Variants in PPP2R2D observed in about 807,000 individuals in gnomAD.
PPP2R2D encodes the protein serine/threonine-protein phosphatase 2A 55 kDa regulatory subunit B delta isoform.
A neutral mutation model predicts 31.1 loss-of-function variants in PPP2R2D; 9 were observed. The ratio of observed to expected loss-of-function variants is 0.29; its 90% confidence interval spans 0.17 to 0.51. The LOEUF is 0.51. PPP2R2D is among the 20% of genes least tolerant of loss of function. The pLI is 0.98. For missense variants in PPP2R2D, 391 were observed against 465.6 expected (o/e 0.84, Z 1.48); for synonymous variants, 179 against 172.6 (o/e 1.04, Z -0.29).
At chr10:131,925,917 C>G (rs1437906000) in intron 2 of PPP2R2D, among the ~76,000 whole-genome samples, 1 of 152,214 alleles carries the variant, frequency 6.6e-6, no homozygotes, top group East Asian at 1.9e-4. Context: ...CCTAGTGGCT[C>G]CGCCCCGTTT....
At chr10:131,934,838 C>G in intron 3 of PPP2R2D, 1 of 504,856 alleles carries the variant, frequency 2.0e-6, no homozygotes, top group East Asian at 5.3e-5. Context: ...TATGTGCTTT[C>G]ATTCCATAAG....
chr10:131,916,092 A>C (rs2035773966), intron 2 of PPP2R2D, among the ~76,000 whole-genome samples: 1 of 152,180 alleles, frequency 6.6e-6, no homozygotes, highest in Non-Finnish European at 1.5e-5. Flanking sequence ...TAACCATAGA[A>C]ATCCATTAAA....
chr10:131,941,277 T>C (rs1564821471), intron 5 of PPP2R2D, among the ~76,000 whole-genome samples: 2 of 152,260 alleles, frequency 1.3e-5, no homozygotes, highest in Middle Eastern at 3.2e-3. Context: ...GCCTAAATTT[T>C]TTCATATTTT....
Position 131,958,819 on chromosome 10 carries a change from C to G in PPP2R2D, c.*2856C>G, listed in dbSNP as rs9787525. 6 of 98,260 alleles carry G rather than the reference C, an allele frequency of 6.1e-5. No homozygotes were observed. Among genetic ancestry groups the G allele is most frequent in the East Asian group, 4.8e-4 (1 of 2,104 alleles). 6.1% of individuals were successfully genotyped at this position (98,260 alleles called of 1,614,324 possible). On this transcript the variant is annotated 3_prime_UTR_variant, in exon 9 of 9. Coordinates refer to ENST00000455566, the MANE Select transcript of PPP2R2D (RefSeq NM_018461.5). Reference sequence around the variant, plus strand: ...CCCCGTCCCCCTGTGGAGATGGAGGCGTGTGCTGATCCCCCATCCCCCTGT... The same window carrying G: ...CCCCGTCCCCCTGTGGAGATGGAGGGGTGTGCTGATCCCCCATCCCCCTGT...
At position 131,956,352 on chromosome 10, in the gene PPP2R2D, T is replaced by G; in HGVS notation, c.*389T>G. 1 of 987,898 alleles carries G rather than the reference T, an allele frequency of 1.0e-6. No individual in the cohort carries two copies. Among genetic ancestry groups the G allele is most frequent in the Non-Finnish European group, 1.2e-6 (1 of 831,680 alleles). The allele number at this position is 987,898 out of a possible 1,614,324, so 61.2% of individuals were successfully genotyped here. A position where few individuals can be genotyped will look rare whatever the true frequency, so the allele number is the denominator to read the frequency against. On this transcript the variant is annotated 3_prime_UTR_variant, in exon 9 of 9. Transcript: ENST00000455566. Reference sequence around the variant, plus strand: ...TTTCCCTCTTTCTCTGCCATCACACTTGGGCCTTCACTGCAGCGTGGTGTG... The same window carrying G: ...TTTCCCTCTTTCTCTGCCATCACACGTGGGCCTTCACTGCAGCGTGGTGTG...
At chr10:131,963,183 C>G (rs150445047), downstream of PPP2R2D, among the ~76,000 whole-genome samples, 373 of 152,236 alleles carry the variant, frequency 2.5e-3, no homozygotes, top group African/African-American at 8.3e-3. Flanking sequence ...GTTGGGATGT[C>G]TTTTTAAGTG....
intron 2 of PPP2R2D, among the ~76,000 whole-genome samples, chr10:131,907,414 C>T (rs1049462292): frequency 6.6e-6 from 1 of 152,134 alleles, no homozygotes; most frequent in African/African-American, 2.4e-5. Flanking sequence ...CATAGGAAGC[C>T]TCTGCCTTTA....
intron 2 of PPP2R2D, among the ~76,000 whole-genome samples, chr10:131,913,092 G>T (rs2035710407): frequency 6.6e-6 from 1 of 151,976 alleles, no homozygotes; most frequent in African/African-American, 2.4e-5. Flanking sequence ...GCACTATCTC[G>T]GCTCACTGCA....
intron 3 of PPP2R2D, among the ~76,000 whole-genome samples, chr10:131,936,229 C>T (rs1333567225): frequency 2.0e-5 from 3 of 151,748 alleles, no homozygotes; most frequent in Non-Finnish European, 4.4e-5. Context: ...CTCACTGCAA[C>T]CTCTGTCTCC....
At chr10:131,938,049 T>C (rs912412292) in intron 3 of PPP2R2D, among the ~76,000 whole-genome samples, 3 of 148,740 alleles carry the variant, frequency 2.0e-5, no homozygotes, top group Non-Finnish European at 4.4e-5. Context: ...GAGGCTTCGG[T>C]GGAAGGAATG....
rs529492898 is a variant in PPP2R2D, at chr10:131,937,773, T to C, written c.199-2258T>C. 4.6e-5 allele frequency among the ~76,000 whole-genome samples: 7 copies of C among 152,322 alleles called. No homozygotes were observed. The East Asian group carries it at 1.3e-3, about 29-fold the overall frequency. ...CATAGGACTAATTTAGTTATACAGA[T>C]TTTTCTTTTTAAATAATTTGGTTCC... On this transcript the variant is annotated intron_variant, in intron 3 of 8. Transcript: ENST00000455566.
rs782138930 is a variant in PPP2R2D, at chr10:131,945,335, C to G, written c.696C>G (p.Thr232=). The part of the protein sequence containing the change: ...DIKPANMEEL[T]EVITAAEFHP... ...AGCCTGCTAACATGGAGGAGCTGAC[C>G]GAAGTCATCACTGCAGCCGAGTTCC... Residue 232 remains threonine (T), a synonymous_variant, in exon 7 of 9, where the codon ACC becomes ACG. Transcript: ENST00000455566. The surrounding 1 kb of genome is among the most constrained non-coding windows in gnomAD (Gnocchi z 4.8). The G allele has an allele frequency of 2.5e-6, 4 of 1,614,020 alleles. No homozygotes were observed. The African/African-American group carries it at 5.3e-5, about 22-fold the overall frequency.
chr10:131,912,657 G>T (rs2035703581), intron 2 of PPP2R2D: 2 of 152,224 alleles, frequency 1.3e-5, no homozygotes, highest in African/African-American at 4.8e-5. Context: ...TCAGGAAGAT[G>T]AAGTTACTTG....
intron 5 of PPP2R2D, among the ~76,000 whole-genome samples, chr10:131,942,682 A>G (rs1258340758): frequency 6.6e-6 from 1 of 152,244 alleles, no homozygotes; most frequent in Non-Finnish European, 1.5e-5. Flanking sequence ...AGCCTGGGCA[A>G]CATAGCCAGA....
chr10:131,962,270 A>G (rs2036929890), downstream of PPP2R2D, among the ~76,000 whole-genome samples: 1 of 152,186 alleles, frequency 6.6e-6, no homozygotes, highest in Admixed American at 6.5e-5. Flanking sequence ...TGAAGTCATC[A>G]TCACGCACGG....
At chr10:131,930,229 T>C (rs2036195340) in intron 2 of PPP2R2D, among the ~76,000 whole-genome samples, 1 of 152,246 alleles carries the variant, frequency 6.6e-6, no homozygotes, top group Non-Finnish European at 1.5e-5. Context: ...GTGCATTTTT[T>C]TTTTTAGCAA....
chr10:131,901,494 C>T (rs1485325189), intron 2 of PPP2R2D, among the ~76,000 whole-genome samples, 164 bp downstream of exon 2: 2 of 151,822 alleles, frequency 1.3e-5, no homozygotes, highest in African/African-American at 2.4e-5. Flanking sequence ...CGGGGGGCGG[C>T]CGTCCTCTGT....
chr10:131,935,156 GCCAGCC>G, intron 3 of PPP2R2D: 1 of 345,740 alleles, frequency 2.9e-6, no homozygotes, highest in Non-Finnish European at 5.8e-6. Flanking sequence ...CTGATGCCTT[GCCAGCC>G]CCCTCCCTCT....
At chr10:131,918,815 A>AAC in intron 2 of PPP2R2D, among the ~76,000 whole-genome samples, 1 of 132,926 alleles carries the variant, frequency 7.5e-6, no homozygotes, top group African/African-American at 2.9e-5. Context: ...GGAATGACAC[A>AAC]GTGTGGGGAC....
Sources: gnomAD v4.1 joint callset for allele counts (sites outside exome capture counted in the v4.1 genomes callset) on GRCh38, gnomAD v4.1.1 for gene constraint, Gnocchi (gnomAD v3.1) non-coding constraint, MANE v1.5 for transcripts, NCBI Gene and HGNC (gene_info 2026-07-23, HGNC 2026-07-21) for gene names.